The following SCHIP1 variants were observed in gnomAD, a reference collection of about 807,000 sequenced individuals.
SCHIP1 encodes schwannomin-interacting protein 1.
A neutral mutation model predicts 29.7 loss-of-function variants in SCHIP1; 8 were observed. The observed-to-expected ratio is 0.27, with a 90% confidence interval of 0.16 to 0.49. The LOEUF is 0.49. Among genes scored for constraint, SCHIP1 ranks in the 20% least tolerant of loss-of-function variants. The pLI, the probability that SCHIP1 is intolerant of heterozygous loss-of-function variation, is 0.99. For missense variants in SCHIP1, 193 were observed against 294.6 expected (o/e 0.66, Z 2.52); for synonymous variants, 76 against 94.9 (o/e 0.80, Z 1.16).
At chr3:159,888,197 C>G (rs1290048863) in intron 4 of SCHIP1, 1 of 422,456 alleles carries the variant, frequency 2.4e-6, no homozygotes, top group African/African-American at 2.0e-5. Context: ...GAAGCGATCT[C>G]AATCTAAGAA....
the SCHIP1 span, among the ~76,000 whole-genome samples, chr3:159,497,731 A>T: frequency 6.6e-6 from 1 of 151,928 alleles, no homozygotes; most frequent in Non-Finnish European, 1.5e-5. Flanking sequence ...AGAAGGAAAC[A>T]CTATGATTGA....
chr3:159,731,547 C>T, the SCHIP1 span, among the ~76,000 whole-genome samples: 1 of 152,202 alleles, frequency 6.6e-6, no homozygotes, highest in Non-Finnish European at 1.5e-5. Context: ...AAAATCATCT[C>T]CACTTCACTG....
the SCHIP1 span, chr3:159,273,271 G>A: frequency 1.0e-6 from 1 of 986,024 alleles, no homozygotes; most frequent in Non-Finnish European, 1.2e-6. Context: ...GAAAGCCACA[G>A]AGCCTGATTT....
At chr3:159,558,383 A>G in the SCHIP1 span, among the ~76,000 whole-genome samples, 1 of 152,164 alleles carries the variant, frequency 6.6e-6, no homozygotes, top group Non-Finnish European at 1.5e-5. Context: ...AAACAAGAAG[A>G]AGCAGGGAAA....
chr3:159,686,731 AG>A, the SCHIP1 span, among the ~76,000 whole-genome samples: 1 of 152,170 alleles, frequency 6.6e-6, no homozygotes, highest in African/African-American at 2.4e-5. Flanking sequence ...TTAGCTCCTG[AG>A]TCCTTATTTC....
the SCHIP1 span, among the ~76,000 whole-genome samples, chr3:159,297,422 G>A: frequency 6.6e-6 from 1 of 151,984 alleles, no homozygotes; most frequent in Non-Finnish European, 1.5e-5. Context: ...ACTAACAGTT[G>A]CACTTGGTAC....
the SCHIP1 span, among the ~76,000 whole-genome samples, chr3:159,774,753 T>G: frequency 6.6e-6 from 1 of 152,242 alleles, no homozygotes; most frequent in Non-Finnish European, 1.5e-5. Context: ...GAGGTTGTAT[T>G]AAAGCCAAAC....
the SCHIP1 span, among the ~76,000 whole-genome samples, chr3:159,482,001 G>T: frequency 2.0e-5 from 3 of 152,040 alleles, no homozygotes; most frequent in Non-Finnish European, 2.9e-5. Flanking sequence ...TGTGTTAGGG[G>T]AGGTGGTATG....
the SCHIP1 span, among the ~76,000 whole-genome samples, chr3:159,321,641 T>C: frequency 6.6e-6 from 1 of 152,266 alleles, no homozygotes; most frequent in East Asian, 1.9e-4. Context: ...TGTATACATG[T>C]GCCATGCGGG....
chr3:159,595,109 G>T, the SCHIP1 span, among the ~76,000 whole-genome samples: 3 of 152,158 alleles, frequency 2.0e-5, no homozygotes, highest in Non-Finnish European at 2.9e-5. Flanking sequence ...ATTGCATGCT[G>T]TGAGAACATC....
At chr3:159,777,450 A>G in the SCHIP1 span, among the ~76,000 whole-genome samples, 1 of 152,134 alleles carries the variant, frequency 6.6e-6, no homozygotes, top group African/African-American at 2.4e-5. Flanking sequence ...AATAACATCC[A>G]AAGGAAAAAA....
the SCHIP1 span, among the ~76,000 whole-genome samples, chr3:159,276,239 A>G: frequency 6.6e-6 from 1 of 152,190 alleles, no homozygotes; most frequent in African/African-American, 2.4e-5. Flanking sequence ...TACAGTCCCA[A>G]CAGGAGAAGT....
chr3:159,380,471 T>TA, the SCHIP1 span, among the ~76,000 whole-genome samples: 1 of 152,198 alleles, frequency 6.6e-6, no homozygotes, highest in African/African-American at 2.4e-5. Flanking sequence ...TTTCTTTTCG[T>TA]AAAAAATAAG....
At chr3:159,276,353 A>T in the SCHIP1 span, among the ~76,000 whole-genome samples, 2 of 152,122 alleles carry the variant, frequency 1.3e-5, no homozygotes, top group African/African-American at 4.8e-5. Flanking sequence ...AGTGAGCAGG[A>T]TGCTGATTGA....
the SCHIP1 span, among the ~76,000 whole-genome samples, chr3:159,378,991 G>A: frequency 9.2e-5 from 14 of 152,320 alleles, no homozygotes; most frequent in African/African-American, 3.4e-4. Context: ...GTGGACAATG[G>A]AGGCTTGTGA....
At chr3:159,290,855 G>T in the SCHIP1 span, among the ~76,000 whole-genome samples, 1 of 151,978 alleles carries the variant, frequency 6.6e-6, no homozygotes. Context: ...TTTTAGATAT[G>T]AGAAAAGAAA....
At chr3:159,426,974 A>G in the SCHIP1 span, among the ~76,000 whole-genome samples, 3 of 152,254 alleles carry the variant, frequency 2.0e-5, no homozygotes, top group African/African-American at 7.2e-5. Context: ...GCCTTTGACA[A>G]AATTCAACAA....
chr3:159,726,236 A>C, the SCHIP1 span, among the ~76,000 whole-genome samples: 1 of 152,228 alleles, frequency 6.6e-6, no homozygotes, highest in African/African-American at 2.4e-5. Context: ...GCTAACAAAA[A>C]AAATCAACTG....
At chr3:159,446,172 G>A in the SCHIP1 span, among the ~76,000 whole-genome samples, 23 of 151,950 alleles carry the variant, frequency 1.5e-4, no homozygotes, top group Admixed American at 9.2e-4. Context: ...AACTCTTTCA[G>A]GTGTAATATA....
Sources: gnomAD v4.1 joint callset for allele counts (sites outside exome capture counted in the v4.1 genomes callset) on GRCh38, gnomAD v4.1.1 for gene constraint, MANE v1.5 for transcripts, NCBI Gene and HGNC (gene_info 2026-07-23, HGNC 2026-07-21) for gene names.